The following CD22 variants were observed in gnomAD, a reference collection of about 807,000 sequenced individuals.
CD22 encodes CD22 molecule.
CD22 carries 51 observed loss-of-function variants against 94.7 expected under a neutral mutation model. The observed-to-expected ratio is 0.54, with a 90% CI of 0.43 to 0.68. The LOEUF (loss-of-function observed/expected upper bound fraction) is 0.68. Among genes scored for constraint, CD22 ranks in the 30% least tolerant of loss-of-function variants. The probability of loss-of-function intolerance (pLI) is 0.00; values close to 1 mark genes in which losing one functional copy is unlikely to be tolerated. For synonymous variants in CD22, 424 were observed against 422.5 expected (o/e 1.00, Z -0.04); for missense variants, 931 against 1,060.4 (o/e 0.88, Z 1.69).
intron 9 of CD22, among the ~76,000 whole-genome samples, chr19:35,342,872 G>A (rs529371172): frequency 7.9e-5 from 12 of 151,670 alleles, no homozygotes; most frequent in South Asian, 6.2e-4. Context: ...GTGCAGTGGC[G>A]TGATCACGGC....
At position 35,336,318 on chromosome 19, in the gene CD22, A is replaced by G; in HGVS notation, c.695A>G (p.Asp232Gly). 6.2e-7 allele frequency: 1 copy of G among 1,614,158 alleles called. No individual in the cohort carries two copies. The change falls in exon 4 of 14, where the codon GAC becomes GGC. Residue 232 changes from aspartate to glycine, a missense_variant. Coordinates refer to ENST00000085219, the MANE Select transcript of CD22 (RefSeq NM_001771.4). ...GCAGATGGGAAGTTCCTCTCCAATG[A>G]CACGGTGCAGCTGAACGTGAAGCGT... ...QDADGKFLSNDTVQLNVKHTP... is the reference protein window; with the variant it reads ...QDADGKFLSNGTVQLNVKHTP...
intron 3 of CD22, among the ~76,000 whole-genome samples, chr19:35,334,611 G>A (rs1328833364): frequency 1.3e-5 from 2 of 152,194 alleles, no homozygotes; most frequent in African/African-American, 4.8e-5. Flanking sequence ...AGACCCCGCT[G>A]TCTGAAGGAG....
chr19:35,342,179 CT>C (rs1288646246), intron 9 of CD22, among the ~76,000 whole-genome samples: 1 of 151,188 alleles, frequency 6.6e-6, no homozygotes, highest in Non-Finnish European at 1.5e-5. Flanking sequence ...CCTTCTTCTT[CT>C]TCTTATAGAG....
At chr19:35,330,314 C>T (rs891282671) in intron 1 of CD22, among the ~76,000 whole-genome samples, 5 of 151,876 alleles carry the variant, frequency 3.3e-5, no homozygotes, top group Non-Finnish European at 7.4e-5. Flanking sequence ...TCAGCCTGGG[C>T]GACAGAAGAA....
rs757960719 is a variant in CD22, at chr19:35,337,722, GC to G, written c.719-28del. The G allele has an allele frequency of 2.2e-5, 34 of 1,542,886 alleles. No individual in the cohort carries two copies. The South Asian group carries it at 3.5e-4, about 16-fold the overall frequency. On this transcript the variant is annotated intron_variant, in intron 4 of 13. Transcript: ENST00000085219. The surrounding 1 kb of genome is among the most constrained non-coding windows in gnomAD (Gnocchi z 4.4). Reference sequence around the variant, plus strand: ...ACCCTCCACCCTCTGAGGATTCCCCGCCCCCTCCCCGACTGCCCCTCTGCTC... The same window carrying G: ...ACCCTCCACCCTCTGAGGATTCCCCGCCCCTCCCCGACTGCCCCTCTGCTC...
chr19:35,338,068 G>A (rs1452745416), intron 5 of CD22, 47 bp downstream of exon 5: 1 of 1,580,594 alleles, frequency 6.3e-7, no homozygotes, highest in Non-Finnish European at 8.6e-7. Flanking sequence ...AGGTAGCAGG[G>A]GTGGACCCGG....
chr19:35,336,488 G>T, intron 4 of CD22, 147 bp downstream of exon 4: 1 of 679,544 alleles, frequency 1.5e-6, no homozygotes, highest in Non-Finnish European at 2.5e-6. Flanking sequence ...GTCAGCCCTG[G>T]TGTTTCGGGA....
intron 9 of CD22, chr19:35,344,604 C>A: frequency 1.9e-6 from 1 of 528,272 alleles, no homozygotes; most frequent in Non-Finnish European, 3.4e-6. Flanking sequence ...GGGCGTGCCA[C>A]GTCTGTGGGA....
Position 35,346,804 on chromosome 19 carries a change from ACACACACACACACG to A in CD22, c.*121_*134del. The stretch of plus-strand genomic sequence containing the variant: ...CTTCCTCCTGCGCGCATGTGCGCAC[ACACACACACACACG>A]CACACACACACACACACACTCACTG... On this transcript the variant is annotated 3_prime_UTR_variant, in exon 14 of 14. Transcript: ENST00000085219. 13 of 865,110 alleles carry A rather than the reference ACACACACACACACG, an allele frequency of 1.5e-5. No homozygotes were observed. The highest frequency in any genetic ancestry group is 2.8e-5 in the East Asian group (1 of 36,204). The allele number at this position is 865,110 out of a possible 1,614,324, so 53.6% of individuals were successfully genotyped here. A position where few individuals can be genotyped will look rare whatever the true frequency, so the allele number is the denominator to read the frequency against.
At chr19:35,342,153 T>TCTTCCC (rs1052339638) in intron 9 of CD22, among the ~76,000 whole-genome samples, 188 bp downstream of exon 9, 1 of 150,764 alleles carries the variant, frequency 6.6e-6, no homozygotes, top group African/African-American at 2.4e-5. Context: ...TCCTCCTCTT[T>TCTTCCC]CTTCTCCTTC....
In CD22 at chr19:35,345,688, G is replaced by A. The variant is rs1412215536; in HGVS notation, c.2295G>A (p.Leu765=). Reference sequence around the variant, plus strand: ...AAGATGGCATTAGCTACACCACCCTGCGCTTTCCCGAGATGAACATACCAC... The same window carrying A: ...AAGATGGCATTAGCTACACCACCCTACGCTTTCCCGAGATGAACATACCAC... The part of the protein sequence containing the change: ...MMEDGISYTT[L]RFPEMNIPRT... Residue 765 remains leucine, a synonymous_variant, in exon 12 of 14, where the codon CTG becomes CTA. Coordinates refer to ENST00000085219, the MANE Select transcript of CD22 (RefSeq NM_001771.4). 3.1e-6 allele frequency: 5 copies of A among 1,613,644 alleles called. No individual in the cohort carries two copies. Among genetic ancestry groups the A allele is most frequent in the East Asian group, 2.2e-5 (1 of 44,884 alleles).
At position 35,341,097 on chromosome 19, in the gene CD22, G is replaced by A. The variant is rs768135426; in HGVS notation, c.1466G>A (p.Ser489Asn). Residue 489 changes from serine (S) to asparagine (N), a missense_variant, in exon 7 of 14, where the codon AGT becomes AAT. Coordinates refer to ENST00000085219, the MANE Select transcript of CD22 (RefSeq NM_001771.4). The surrounding 1 kb of genome is among the most constrained non-coding windows in gnomAD (Gnocchi z 4.0). ...NTTIACAACN[S>N]WCSWASPVAL... ...ACCATCGCCTGCGCAGCTTGTAATA[G>A]TTGGTGCTCGTGGGCCTCCCCTGTC... 1 of 1,614,216 alleles carries A rather than the reference G, an allele frequency of 6.2e-7. No individual in the cohort carries two copies. Among genetic ancestry groups the A allele is most frequent in the South Asian group, 1.1e-5 (1 of 91,082 alleles).
chr19:35,344,587 A>G (rs2066871539), intron 9 of CD22: 1 of 483,408 alleles, frequency 2.1e-6, no homozygotes, highest in Non-Finnish European at 3.7e-6. Flanking sequence ...TGCGGGTCAC[A>G]GGCTCTGGGC....
In CD22 at chr19:35,341,218, T is replaced by C. The variant is rs1387009845; in HGVS notation, c.1507+80T>C. The C allele has an allele frequency of 1.2e-6, 2 of 1,603,056 alleles. No homozygotes were observed. The highest frequency in any genetic ancestry group is 1.7e-6 in the Non-Finnish European group (2 of 1,172,714). On this transcript the variant is annotated intron_variant, in intron 7 of 13. Transcript: ENST00000085219. This position sits in a 1 kb window ranked among gnomAD's most constrained non-coding sequence, Gnocchi z 4.0. ...GGATGAAGGCAACGAGGCCGGAGCCTGGGCCAGTGTCTTCAACAGAATTGA... is the reference window on the plus strand; with the variant it reads ...GGATGAAGGCAACGAGGCCGGAGCCCGGGCCAGTGTCTTCAACAGAATTGA...
In CD22 at chr19:35,346,069, G is replaced by A. The variant is rs576296942; in HGVS notation, c.2328-82G>A. 2.6e-5 allele frequency: 28 copies of A among 1,078,374 alleles called. No homozygotes were observed. In the East Asian group the frequency reaches 5.2e-4, roughly 20 times the overall value. 66.8% of individuals were successfully genotyped at this position (1,078,374 alleles called of 1,614,324 possible). On this transcript the variant is annotated intron_variant, in intron 12 of 13. Transcript: ENST00000085219. ...CATAAGGGGCTGAGGTTGGGGTGCT[G>A]TTGGGGGCTCTGGGTGTTGAGAGGG...
chr19:35,338,453 G>A (rs1421380931), intron 6 of CD22, 22 bp downstream of exon 6: 4 of 1,599,938 alleles, frequency 2.5e-6, no homozygotes, highest in Non-Finnish European at 2.6e-6. Flanking sequence ...CGGAGCCTCT[G>A]GTTCTAGGGA....
chr19:35,344,784 G>C (rs746031687), intron 9 of CD22, 45 bp from the exon 10 acceptor site: 1 of 1,425,716 alleles, frequency 7.0e-7, no homozygotes, highest in Non-Finnish European at 9.7e-7. Context: ...CTGCCAGGGA[G>C]AGCTGGCCCC....
At chr19:35,334,391 C>A (rs980527870) in intron 3 of CD22, among the ~76,000 whole-genome samples, 3 of 151,912 alleles carry the variant, frequency 2.0e-5, no homozygotes, top group Non-Finnish European at 4.4e-5. Flanking sequence ...AAGGAAAGGA[C>A]AAAGAGAAAA....
rs1368953427 is a variant in CD22 at position 35,337,066 on chromosome 19, C to T, written c.719-689C>T. ...CATCCTGGCTAACATGGTGAAACCCCATCTCTAGTAAAAATACAAAAAATT... is the reference window on the plus strand; with the variant it reads ...CATCCTGGCTAACATGGTGAAACCCTATCTCTAGTAAAAATACAAAAAATT... On this transcript the variant is annotated intron_variant, in intron 4 of 13. Coordinates refer to ENST00000085219, the MANE Select transcript of CD22 (RefSeq NM_001771.4). This position sits in a 1 kb window ranked among gnomAD's most constrained non-coding sequence, Gnocchi z 4.4. 6.6e-6 allele frequency among the ~76,000 whole-genome samples: 1 copy of T among 151,912 alleles called. No individual in the cohort carries two copies. The highest frequency in any genetic ancestry group is 2.4e-5 in the African/African-American group (1 of 41,342).
Sources: allele counts gnomAD v4.1 joint callset (sites outside exome capture counted in the v4.1 genomes callset), GRCh38; gene constraint gnomAD v4.1.1; non-coding constraint Gnocchi (gnomAD v3.1); transcripts MANE v1.5; gene names NCBI Gene and HGNC (gene_info 2026-07-23, HGNC 2026-07-21).